ATP8A2: variants seen among roughly 807,000 people sequenced by gnomAD.
The protein encoded by ATP8A2 is phospholipid-transporting ATPase IB.
A neutral mutation model predicts 165.6 loss-of-function variants in ATP8A2; 100 were observed. The observed-to-expected ratio is 0.60, with a 90% confidence interval of 0.51 to 0.71. The LOEUF is 0.71. Ranked by LOEUF, ATP8A2 falls within the 30% of genes least tolerant of loss-of-function variation. ATP8A2 has a pLI of 0.00. For synonymous variants in ATP8A2, 543 were observed against 548.8 expected, an observed-to-expected ratio of 0.99 and a Z score of 0.15; for missense variants, 1,227 against 1,479.5, an observed-to-expected ratio of 0.83 and a Z score of 2.80.
At chr13:25,729,806 A>G (rs1174366504) in intron 25 of ATP8A2, among the ~76,000 whole-genome samples, 3 of 152,192 alleles carry the variant, frequency 2.0e-5, no homozygotes, top group African/African-American at 7.2e-5. Context: ...AACTGTAGTT[A>G]AAGAAACATT....
intron 25 of ATP8A2, among the ~76,000 whole-genome samples, chr13:25,742,120 C>T (rs568053113): frequency 8.5e-5 from 13 of 152,260 alleles, no homozygotes; most frequent in East Asian, 5.8e-4. Context: ...CTGGACTGTA[C>T]GGAATAGCCT....
chr13:25,737,616 A>C (rs965829450), intron 25 of ATP8A2, among the ~76,000 whole-genome samples: 2 of 151,950 alleles, frequency 1.3e-5, no homozygotes, highest in Non-Finnish European at 2.9e-5. Context: ...CTCCTACCTC[A>C]GCCTTCGGAG....
Position 25,674,115 on chromosome 13 carries a change from T to C in ATP8A2, c.2212-25058T>C, listed in dbSNP as rs539481967. ...AATATTGTGGTGTTAGTGTCTTTAG[T>C]TAAAAGCCAACCATTCAAGGTTGTC... On this transcript the variant is annotated intron_variant, in intron 24 of 36. Coordinates refer to ENST00000381655, the MANE Select transcript of ATP8A2 (RefSeq NM_016529.6). Among the ~76,000 whole-genome samples, 6 of 152,248 alleles carry C rather than the reference T, an allele frequency of 3.9e-5. No homozygotes were observed. The South Asian group carries it at 8.3e-4, about 21-fold the overall frequency.
chr13:25,842,753 A>G (rs1951773943), intron 30 of ATP8A2, among the ~76,000 whole-genome samples: 1 of 151,980 alleles, frequency 6.6e-6, no homozygotes, highest in South Asian at 2.1e-4. Flanking sequence ...GAAGGAAGGA[A>G]GGAAGGTTGG....
intron 13 of ATP8A2, among the ~76,000 whole-genome samples, chr13:25,557,516 G>A (rs997635617): frequency 1.3e-5 from 2 of 152,074 alleles, no homozygotes; most frequent in Middle Eastern, 3.2e-3. Context: ...TCCGGGCTTG[G>A]TTAGTCTGTC....
chr13:25,401,460 T>C (rs1456119814), intron 1 of ATP8A2, among the ~76,000 whole-genome samples: 1 of 152,218 alleles, frequency 6.6e-6, no homozygotes, highest in Non-Finnish European at 1.5e-5. Context: ...TCTCGGGCTG[T>C]GGTAAGAAGG....
chr13:25,497,468 A>C (rs892382685), intron 2 of ATP8A2, among the ~76,000 whole-genome samples: 1 of 152,176 alleles, frequency 6.6e-6, no homozygotes. Context: ...ACTTTTTCAG[A>C]TTTCAGGGGA....
At chr13:25,992,998 T>C (rs1217552546) in intron 35 of ATP8A2, among the ~76,000 whole-genome samples, 1 of 149,966 alleles carries the variant, frequency 6.7e-6, no homozygotes, top group African/African-American at 2.5e-5. Flanking sequence ...TTCATCCATG[T>C]CCCTACAAAG....
chr13:25,445,522 T>A (rs1465185489), intron 1 of ATP8A2, among the ~76,000 whole-genome samples: 1 of 152,246 alleles, frequency 6.6e-6, no homozygotes, highest in African/African-American at 2.4e-5. Context: ...TTTTATTGAC[T>A]GCATTCAGGA....
intron 33 of ATP8A2, among the ~76,000 whole-genome samples, chr13:25,906,868 T>C (rs1047434818): frequency 1.3e-5 from 2 of 152,182 alleles, no homozygotes; most frequent in East Asian, 3.9e-4. Flanking sequence ...ATAAGTATGT[T>C]TTGTTAATGA....
intron 33 of ATP8A2, among the ~76,000 whole-genome samples, chr13:25,943,577 G>A (rs749567192): frequency 3.3e-5 from 5 of 152,262 alleles, no homozygotes; most frequent in Non-Finnish European, 7.4e-5. Flanking sequence ...ACTCCAGGAT[G>A]CTCCCACAAC....
intron 33 of ATP8A2, among the ~76,000 whole-genome samples, chr13:25,877,128 A>G (rs1952838906): frequency 6.6e-6 from 1 of 152,206 alleles, no homozygotes; most frequent in Non-Finnish European, 1.5e-5. Flanking sequence ...ACATGATATG[A>G]AAGTAAATTT....
chr13:26,019,061 C>T (rs1282539441), intron 36 of ATP8A2, among the ~76,000 whole-genome samples: 1 of 152,054 alleles, frequency 6.6e-6, no homozygotes, highest in East Asian at 1.9e-4. Context: ...ATGGAAACAA[C>T]CCTACTTTGA....
Position 25,632,006 on chromosome 13 carries a change from C to T in ATP8A2, c.2211+42307C>T, listed in dbSNP as rs552181556. Among the ~76,000 whole-genome samples, 241 of 152,190 alleles carry T rather than the reference C, an allele frequency of 1.6e-3. 2 individuals carry two copies. The highest frequency in any genetic ancestry group is 5.0e-3 in the African/African-American group (206 of 41,542). ...GCTCTCCCCGACCTTAGAATCCAAT[C>T]GCAAGCCCCACCCCCTGACACCCCC... On this transcript the variant is annotated intron_variant, in intron 24 of 36. Coordinates refer to ENST00000381655, the MANE Select transcript of ATP8A2 (RefSeq NM_016529.6).
At chr13:25,694,079 T>C (rs1304793753) in intron 24 of ATP8A2, among the ~76,000 whole-genome samples, 2 of 152,082 alleles carry the variant, frequency 1.3e-5, no homozygotes, top group East Asian at 1.9e-4. Context: ...TTTTACCACA[T>C]TGGCCAAGCT....
intron 1 of ATP8A2, among the ~76,000 whole-genome samples, chr13:25,396,802 C>T (rs985201564): frequency 8.5e-5 from 13 of 152,188 alleles, no homozygotes; most frequent in South Asian, 2.1e-4. Flanking sequence ...ACATCTATTG[C>T]GGGGAGGACT....
chr13:25,372,206 G>C lies in ATP8A2; in HGVS notation c.-7G>C. 7.0e-7 allele frequency: 1 copy of C among 1,434,260 alleles called. No homozygotes were observed. The highest frequency in any genetic ancestry group is 9.2e-7 in the Non-Finnish European group (1 of 1,083,300). 88.8% of individuals were successfully genotyped at this position (1,434,260 alleles called of 1,614,324 possible). ...CCCGGGGCCGCCGAGCCCCCGACAC[G>C]GGCGAGATGCTGAACGGCGCAGGCC... On this transcript the variant is annotated 5_prime_UTR_variant, in exon 1 of 37. Transcript: ENST00000381655. The surrounding 1 kb of genome is among the most constrained non-coding windows in gnomAD (Gnocchi z 4.8).
At chr13:25,908,783 C>T (rs1954022659) in intron 33 of ATP8A2, among the ~76,000 whole-genome samples, 1 of 152,220 alleles carries the variant, frequency 6.6e-6, no homozygotes, top group South Asian at 2.1e-4. Context: ...CTTCCCTGTG[C>T]TCATGATCCT....
chr13:25,680,770 G>T (rs1305893545), intron 24 of ATP8A2, among the ~76,000 whole-genome samples: 3 of 152,202 alleles, frequency 2.0e-5, no homozygotes, highest in African/African-American at 7.2e-5. Context: ...TTGCCATCAA[G>T]GTGCCCTCTA....
Sources: gnomAD v4.1 joint callset for allele counts (sites outside exome capture counted in the v4.1 genomes callset) on GRCh38, gnomAD v4.1.1 for gene constraint, Gnocchi (gnomAD v3.1) non-coding constraint, MANE v1.5 for transcripts, NCBI Gene and HGNC (gene_info 2026-07-23, HGNC 2026-07-21) for gene names.